The following BTG4 variants were observed in gnomAD, a reference collection of about 807,000 sequenced individuals.
BTG4 encodes protein BTG4.
BTG4 carries 10 observed loss-of-function variants against 19.3 expected under a neutral mutation model. That is an observed-to-expected ratio of 0.52 (90% CI 0.32 to 0.88). The LOEUF is 0.88. BTG4 is among the 40% of genes least tolerant of loss of function. BTG4 has a pLI of 0.04. For missense variants in BTG4, 238 were observed against 281.9 expected (o/e 0.84, Z 1.11); for synonymous variants, 91 against 95.7 (o/e 0.95, Z 0.29).
chr11:111,476,845 TAAG>T (rs1271424203), intron 5 of BTG4, among the ~76,000 whole-genome samples: 2 of 152,184 alleles, frequency 1.3e-5, no homozygotes, highest in African/African-American at 4.8e-5. Flanking sequence ...TCTAGTATTT[TAAG>T]AAGAAGGCAA....
At chr11:111,419,801 T>G in the BTG4 span, among the ~76,000 whole-genome samples, 1 of 152,212 alleles carries the variant, frequency 6.6e-6, no homozygotes. Context: ...CTTTTGCTGT[T>G]GGCTTCTGCA....
At chr11:111,491,734 C>CAAAAA (rs5794751), downstream of BTG4, among the ~76,000 whole-genome samples, 10 of 99,402 alleles carry the variant, frequency 1.0e-4, no homozygotes, top group East Asian at 5.1e-4. Flanking sequence ...GACCTGATCT[C>CAAAAA]AAAAAAAAAA....
downstream of BTG4, among the ~76,000 whole-genome samples, chr11:111,494,334 G>C (rs1318301963): frequency 6.6e-6 from 1 of 152,152 alleles, no homozygotes; most frequent in Non-Finnish European, 1.5e-5. Flanking sequence ...GTAGGAATGG[G>C]TCCAGTCAAC....
intron 1 of BTG4, among the ~76,000 whole-genome samples, chr11:111,502,603 T>C (rs980395634): frequency 2.6e-5 from 4 of 152,224 alleles, no homozygotes; most frequent in African/African-American, 9.6e-5. Flanking sequence ...AAATTTTGCT[T>C]CTGAACTAAA....
At chr11:111,485,634 C>T (rs945138556) in intron 5 of BTG4, among the ~76,000 whole-genome samples, 5 of 151,926 alleles carry the variant, frequency 3.3e-5, no homozygotes, top group Admixed American at 6.6e-5. Context: ...TAAATGCCTC[C>T]GTCAAAAAAT....
At chr11:111,427,498 A>AT in the BTG4 span, among the ~76,000 whole-genome samples, 2 of 152,036 alleles carry the variant, frequency 1.3e-5, no homozygotes, top group Admixed American at 6.5e-5. Flanking sequence ...ATAAAAAGAG[A>AT]TTTTTTTTCC....
chr11:111,465,458 C>G (rs1863666481), downstream of BTG4, among the ~76,000 whole-genome samples: 1 of 152,148 alleles, frequency 6.6e-6, no homozygotes, highest in Non-Finnish European at 1.5e-5. Flanking sequence ...ACATACTATT[C>G]TAACTCTTTA....
chr11:111,405,568 C>G, the BTG4 span, among the ~76,000 whole-genome samples: 1 of 152,024 alleles, frequency 6.6e-6, no homozygotes, highest in Non-Finnish European at 1.5e-5. Context: ...GTAGCAGACT[C>G]CAGATACTTT....
rs112956989 is a variant in BTG4 at position 111,473,102 on chromosome 11, C to T, written c.663-5421G>A. ...AAGTGAAAAAAAAAAAAACACCAAA[C>T]TTGCCTAAGACATAGCAATAGTTGT... On this transcript the variant is annotated intron_variant, in intron 5 of 5. Transcript: ENST00000356018. Among the ~76,000 whole-genome samples, 267 of 151,036 alleles carry T rather than the reference C, an allele frequency of 1.8e-3. 1 individual carries two copies. Among genetic ancestry groups the T allele is most frequent in the African/African-American group, 6.1e-3 (253 of 41,206 alleles).
downstream of BTG4, among the ~76,000 whole-genome samples, chr11:111,493,470 CA>C (rs1865540506): frequency 6.6e-6 from 1 of 152,082 alleles, no homozygotes. Context: ...AAAGTACATT[CA>C]CATACATGCC....
chr11:111,485,870 T>C (rs917597129), intron 5 of BTG4, among the ~76,000 whole-genome samples: 1 of 152,078 alleles, frequency 6.6e-6, no homozygotes, highest in Non-Finnish European at 1.5e-5. Flanking sequence ...ATCTTTCCTG[T>C]AGGAGTAGCT....
At chr11:111,390,701 G>A in the BTG4 span, among the ~76,000 whole-genome samples, 2 of 152,194 alleles carry the variant, frequency 1.3e-5, no homozygotes, top group Non-Finnish European at 2.9e-5. Context: ...CTGCGACAGA[G>A]ACAGAAGGTT....
the BTG4 span, among the ~76,000 whole-genome samples, chr11:111,452,926 G>A: frequency 1.3e-5 from 2 of 152,164 alleles, no homozygotes; most frequent in African/African-American, 2.4e-5. Flanking sequence ...GGGTTGGTAA[G>A]TTGAGGAGGG....
At chr11:111,412,505 A>T in the BTG4 span, among the ~76,000 whole-genome samples, 6,015 of 152,296 alleles carry the variant, frequency 0.039, 129 homozygotes, top group Middle Eastern at 0.14. Flanking sequence ...TGATGATGAT[A>T]CCATTTTCAC....
chr11:111,510,564 A>G (rs1417447405), intron 1 of BTG4, among the ~76,000 whole-genome samples: 5 of 152,192 alleles, frequency 3.3e-5, no homozygotes, highest in Non-Finnish European at 7.3e-5. Flanking sequence ...CATGAACCAT[A>G]AAGGGAATGA....
the BTG4 span, chr11:111,451,505 C>T: frequency 4.9e-6 from 2 of 410,254 alleles, no homozygotes; most frequent in South Asian, 1.7e-5. Flanking sequence ...GTGGCTCACA[C>T]CTGTAATCCC....
the BTG4 span, among the ~76,000 whole-genome samples, chr11:111,399,984 A>T: frequency 6.6e-6 from 1 of 152,090 alleles, no homozygotes; most frequent in Non-Finnish European, 1.5e-5. Flanking sequence ...ACAGAGAGAA[A>T]TGGGAGGCCC....
At chr11:111,490,155 A>C (rs969386686), downstream of BTG4, among the ~76,000 whole-genome samples, 2 of 151,166 alleles carry the variant, frequency 1.3e-5, no homozygotes, top group African/African-American at 4.9e-5. Context: ...GGTGGCGGGC[A>C]CGTGCTACTC....
chr11:111,462,794 A>C (rs1863477074), downstream of BTG4: 1 of 152,566 alleles, frequency 6.6e-6, no homozygotes, highest in Non-Finnish European at 1.5e-5. Context: ...GGCCAGGAGG[A>C]GGAGATGCGG....
Sources: gnomAD v4.1 joint callset for allele counts (sites outside exome capture counted in the v4.1 genomes callset) on GRCh38, gnomAD v4.1.1 for gene constraint, MANE v1.5 for transcripts, NCBI Gene and HGNC (gene_info 2026-07-23, HGNC 2026-07-21) for gene names.